Variants in KAZN observed in about 807,000 individuals in gnomAD.
The protein encoded by KAZN is kazrin.
Under a neutral mutation model 87.4 loss-of-function variants are expected in KAZN, and 40 were observed. That is an observed-to-expected ratio of 0.46 (90% CI 0.36 to 0.60). The LOEUF is 0.60. Ranked by LOEUF, KAZN falls within the 20% of genes least tolerant of loss-of-function variation. The pLI is 0.00. For missense variants in KAZN, 898 were observed against 1,073.9 expected, an observed-to-expected ratio of 0.84 and a Z score of 2.29; for synonymous variants, 466 against 458.3, an observed-to-expected ratio of 1.02 and a Z score of -0.22.
At chr1:14,829,153 A>AATAGTG (rs2100867040) in intron 1 of KAZN, among the ~76,000 whole-genome samples, 1 of 152,316 alleles carries the variant, frequency 6.6e-6, no homozygotes, top group South Asian at 2.1e-4. Context: ...GTAGACAGCT[A>AATAGTG]ATAGTGTCGT....
rs143527136 is a variant in KAZN, at chr1:14,118,039, G to T, written c.92-62396G>T. Among the ~76,000 whole-genome samples the T allele has an allele frequency of 5.6e-3, 849 of 152,294 alleles. 4 individuals carry two copies. The highest frequency in any genetic ancestry group is 0.012 in the Admixed American group (181 of 15,294). On this transcript the variant is annotated intron_variant, in intron 1 of 16. Coordinates refer to the KAZN transcript ENST00000636203. ...CTGGAACCTAATCCCATGGTCCAGG[G>T]GCTTGAGACCGGGGCGTTGCATGGG...
intron 2 of KAZN, among the ~76,000 whole-genome samples, chr1:14,294,844 C>T (rs1289458358): frequency 6.6e-6 from 1 of 151,582 alleles, no homozygotes; most frequent in Non-Finnish European, 1.5e-5. Flanking sequence ...CTCTAGAGTG[C>T]CTAGGTCATA....
intron 2 of KAZN, among the ~76,000 whole-genome samples, chr1:14,432,750 G>A (rs1034017782): frequency 6.6e-6 from 1 of 151,746 alleles, no homozygotes; most frequent in Non-Finnish European, 1.5e-5. Flanking sequence ...AAGAGGTCCC[G>A]GTGTGTGTTG....
chr1:14,921,488 A>G (rs1658518709), intron 1 of KAZN, among the ~76,000 whole-genome samples: 1 of 152,172 alleles, frequency 6.6e-6, no homozygotes, highest in African/African-American at 2.4e-5. Context: ...AAAAATCCAT[A>G]TTCCTAGTAG....
chr1:14,873,368 T>C (rs1040697781), intron 1 of KAZN, among the ~76,000 whole-genome samples: 1 of 152,160 alleles, frequency 6.6e-6, no homozygotes, highest in Non-Finnish European at 1.5e-5. Flanking sequence ...GTAAGCACTA[T>C]GAAGGAAAAT....
At chr1:14,050,423 C>G (rs954763955) in intron 1 of KAZN, among the ~76,000 whole-genome samples, 2 of 152,156 alleles carry the variant, frequency 1.3e-5, no homozygotes, top group African/African-American at 4.8e-5. Flanking sequence ...ACTCACAGTT[C>G]CGCATGGCTG....
chr1:14,260,316 A>G (rs1041468457), intron 2 of KAZN, among the ~76,000 whole-genome samples: 4 of 152,174 alleles, frequency 2.6e-5, no homozygotes, highest in African/African-American at 9.6e-5. Flanking sequence ...CGATGGGGTA[A>G]GTGCTTGGAG....
intron 2 of KAZN, among the ~76,000 whole-genome samples, chr1:14,410,225 T>C (rs1664197964): frequency 1.3e-5 from 2 of 152,172 alleles, no homozygotes; most frequent in African/African-American, 4.8e-5. Flanking sequence ...TGCCTCAACC[T>C]CCAGAGTAGC....
intron 1 of KAZN, among the ~76,000 whole-genome samples, chr1:14,926,705 G>A (rs1435430078): frequency 1.3e-5 from 2 of 152,202 alleles, no homozygotes; most frequent in African/African-American, 2.4e-5. Context: ...CTAGGAGGGC[G>A]ATGGGAACTC....
At chr1:14,345,890 T>A (rs1225068869) in intron 2 of KAZN, among the ~76,000 whole-genome samples, 2 of 151,820 alleles carry the variant, frequency 1.3e-5, no homozygotes, top group East Asian at 3.9e-4. Context: ...ATAACATGAG[T>A]GAAAAGAGCA....
chr1:14,257,959 T>A (rs1048350624), intron 2 of KAZN, among the ~76,000 whole-genome samples: 230 of 28,448 alleles, frequency 8.1e-3, no homozygotes, highest in Non-Finnish European at 0.011. Flanking sequence ...AAAAAAACAT[T>A]AAAAAAAAAA....
chr1:15,069,042 C>T (rs1639391746), intron 8 of KAZN, among the ~76,000 whole-genome samples: 1 of 151,708 alleles, frequency 6.6e-6, no homozygotes, highest in Non-Finnish European at 1.5e-5. Context: ...AAAAAAAATA[C>T]TCATTCCAGG....
At chr1:14,551,306 C>T (rs12037608) in intron 2 of KAZN, among the ~76,000 whole-genome samples, 35,052 of 152,068 alleles carry the variant, frequency 0.23, 4,697 homozygotes, top group South Asian at 0.44. Context: ...CTCTTCCTTG[C>T]TATGAGGAGC....
At chr1:14,168,322 G>A (rs1399331296) in intron 1 of KAZN, among the ~76,000 whole-genome samples, 6 of 152,206 alleles carry the variant, frequency 3.9e-5, no homozygotes, top group Non-Finnish European at 5.9e-5. Context: ...TGGAATGCCC[G>A]TGGAACAAGG....
chr1:14,047,109 C>A (rs1370374608), intron 1 of KAZN, among the ~76,000 whole-genome samples: 1 of 152,172 alleles, frequency 6.6e-6, no homozygotes, highest in Non-Finnish European at 1.5e-5. Flanking sequence ...TCCATCCATC[C>A]ATTTGGGCAT....
intron 2 of KAZN, among the ~76,000 whole-genome samples, chr1:15,033,863 C>T (rs1232059146): frequency 6.6e-6 from 1 of 152,116 alleles, no homozygotes; most frequent in Non-Finnish European, 1.5e-5. Flanking sequence ...CTCAGCCTCC[C>T]GAATAACTGG....
upstream of KAZN, among the ~76,000 whole-genome samples, chr1:14,595,691 A>G (rs888290999): frequency 6.6e-5 from 10 of 151,654 alleles, no homozygotes; most frequent in South Asian, 1.7e-3. Context: ...AAAAAAAAAA[A>G]AAAAAAAGAA....
chr1:14,788,096 A>G (rs1046273595), intron 1 of KAZN, among the ~76,000 whole-genome samples: 2 of 152,176 alleles, frequency 1.3e-5, no homozygotes, highest in South Asian at 2.1e-4. Flanking sequence ...TCAAGACAGC[A>G]ACAGCAGAGC....
At chr1:15,001,982 G>A (rs974963791) in intron 2 of KAZN, among the ~76,000 whole-genome samples, 4 of 137,528 alleles carry the variant, frequency 2.9e-5, no homozygotes, top group Admixed American at 8.0e-5. Context: ...CTGGGTTCAC[G>A]CCATTCTCCT....
Sources: gnomAD v4.1 joint callset for allele counts (sites outside exome capture counted in the v4.1 genomes callset) on GRCh38, gnomAD v4.1.1 for gene constraint, MANE v1.5 for transcripts, NCBI Gene and HGNC (gene_info 2026-07-23, HGNC 2026-07-21) for gene names.